OSBPL9: variants seen among roughly 807,000 people sequenced by gnomAD.
OSBPL9 encodes the protein oxysterol binding protein like 9, also known as oxysterol-binding protein-related protein 9.
In OSBPL9, 40 loss-of-function variants were observed where a neutral mutation model predicts 106.6. The observed-to-expected ratio is 0.38, with a 90% CI of 0.29 to 0.49. OSBPL9 has a LOEUF of 0.49. Ranked by LOEUF, OSBPL9 falls within the 20% of genes least tolerant of loss-of-function variation. The pLI, the probability that OSBPL9 is intolerant of heterozygous loss-of-function variation, is 0.97. For synonymous variants in OSBPL9, 269 were observed against 295.4 expected (o/e 0.91, Z 0.92); for missense variants, 609 against 887.2 (o/e 0.69, Z 3.98).
At chr1:51,553,248 T>A in the OSBPL9 span, among the ~76,000 whole-genome samples, 1 of 152,064 alleles carries the variant, frequency 6.6e-6, no homozygotes, top group African/African-American at 2.4e-5. Context: ...CTGAGCCTAT[T>A]TTCTGTAATC....
intron 3 of OSBPL9, among the ~76,000 whole-genome samples, chr1:51,673,337 G>A (rs1309185547): frequency 6.6e-6 from 1 of 152,244 alleles, no homozygotes; most frequent in Non-Finnish European, 1.5e-5. Flanking sequence ...AGTGGAGACA[G>A]TGCATTCAAG....
the OSBPL9 span, among the ~76,000 whole-genome samples, chr1:51,546,140 C>A: frequency 6.6e-6 from 1 of 151,994 alleles, no homozygotes; most frequent in African/African-American, 2.4e-5. Flanking sequence ...CCTCAGCCCC[C>A]AAGTAGCTGG....
At chr1:51,606,617 A>G (rs1426920594) in intron 2 of OSBPL9, among the ~76,000 whole-genome samples, 2 of 152,258 alleles carry the variant, frequency 1.3e-5, no homozygotes, top group Admixed American at 6.5e-5. Context: ...AGGCAGGCAC[A>G]TGATTATAAA....
chr1:51,746,547 G>C (rs1311238118), intron 5 of OSBPL9, among the ~76,000 whole-genome samples, 163 bp from the exon 6 acceptor site: 1 of 152,096 alleles, frequency 6.6e-6, no homozygotes, highest in Non-Finnish European at 1.5e-5. Context: ...ATTTGACTTT[G>C]ATTGAGTGCT....
the OSBPL9 span, chr1:51,519,318 G>A: frequency 4.6e-6 from 2 of 438,788 alleles, no homozygotes; most frequent in South Asian, 9.7e-5. Flanking sequence ...GGCCGCAGGC[G>A]AGGCCGGGGC....
rs900731689 is a variant in OSBPL9 at position 51,653,884 on chromosome 1, C to T, written c.162+1843C>T. Among the ~76,000 whole-genome samples, 15 of 152,214 alleles carry T rather than the reference C, an allele frequency of 9.9e-5. No individual in the cohort carries two copies. In the East Asian group the frequency reaches 1.2e-3, roughly 12 times the overall value. ...GGATGTGGTGACACATGCCTATAGT[C>T]CCAGCTACTTGAGAGACTGAGGCAG... On this transcript the variant is annotated intron_variant, in intron 2 of 23. Transcript: ENST00000428468.
At chr1:51,762,183 T>A (rs1671661918) in intron 11 of OSBPL9, among the ~76,000 whole-genome samples, 1 of 152,178 alleles carries the variant, frequency 6.6e-6, no homozygotes, top group Non-Finnish European at 1.5e-5. Flanking sequence ...ATTTTTAAGT[T>A]TTTAAAATTT....
intron 1 of OSBPL9, among the ~76,000 whole-genome samples, chr1:51,642,367 G>A (rs1205055763): frequency 2.6e-5 from 4 of 152,146 alleles, no homozygotes; most frequent in African/African-American, 9.7e-5. Context: ...GATTTATAAA[G>A]TACTTGGCAG....
At chr1:51,588,597 G>A (rs1645258659) in intron 1 of OSBPL9, among the ~76,000 whole-genome samples, 2 of 152,168 alleles carry the variant, frequency 1.3e-5, no homozygotes, top group Non-Finnish European at 2.9e-5. Context: ...GCTGCAGTGA[G>A]CCATGACAGC....
chr1:51,675,525 G>A (rs35905889), intron 3 of OSBPL9, among the ~76,000 whole-genome samples: 18,614 of 152,016 alleles, frequency 0.12, 1,251 homozygotes, highest in Middle Eastern at 0.22. Context: ...TAAAGCCATG[G>A]TAGTCTTGAG....
At chr1:51,526,777 G>A in the OSBPL9 span, among the ~76,000 whole-genome samples, 1 of 150,924 alleles carries the variant, frequency 6.6e-6, no homozygotes. Context: ...ATGGAGTCTC[G>A]CTCTGTCACC....
upstream of OSBPL9, among the ~76,000 whole-genome samples, chr1:51,612,358 TC>T (rs1482801672): frequency 6.6e-6 from 1 of 152,202 alleles, no homozygotes; most frequent in Non-Finnish European, 1.5e-5. Flanking sequence ...GATGAATCTG[TC>T]CCAGCTCCTG....
chr1:51,668,002 A>G (rs963624787), intron 2 of OSBPL9, among the ~76,000 whole-genome samples: 10 of 152,208 alleles, frequency 6.6e-5, no homozygotes, highest in Admixed American at 3.3e-4. Context: ...GCCTCTGGGG[A>G]AGAAATGAAT....
upstream of OSBPL9, among the ~76,000 whole-genome samples, chr1:51,573,166 T>C (rs1938172): frequency 0.16 from 23,694 of 149,784 alleles, 3,639 homozygotes; most frequent in African/African-American, 0.4. Flanking sequence ...GAGCCAAGAT[T>C]GTGCCACTAC....
At chr1:51,780,689 C>G (rs1676171886) in intron 15 of OSBPL9, among the ~76,000 whole-genome samples, 1 of 152,054 alleles carries the variant, frequency 6.6e-6, no homozygotes, top group Non-Finnish European at 1.5e-5. Context: ...TTGCTTGAAC[C>G]TGGGAGGTGA....
intron 1 of OSBPL9, among the ~76,000 whole-genome samples, chr1:51,592,991 T>G (rs1557578410): frequency 6.6e-6 from 1 of 152,156 alleles, no homozygotes; most frequent in Non-Finnish European, 1.5e-5. Context: ...AAAGGATGGC[T>G]GAAATCCATC....
intron 1 of OSBPL9, among the ~76,000 whole-genome samples, chr1:51,578,561 T>C (rs1417858710): frequency 2.6e-5 from 4 of 152,190 alleles, no homozygotes; most frequent in African/African-American, 7.2e-5. Flanking sequence ...GTAGGGAAAC[T>C]GAAACCCAGA....
intron 1 of OSBPL9, among the ~76,000 whole-genome samples, chr1:51,578,432 A>G (rs1454076450): frequency 6.6e-6 from 1 of 152,214 alleles, no homozygotes; most frequent in Non-Finnish European, 1.5e-5. Context: ...ATAATATCAT[A>G]TGATTAATGA....
intron 1 of OSBPL9, among the ~76,000 whole-genome samples, chr1:51,593,963 T>C (rs1164557584): frequency 6.6e-6 from 1 of 150,968 alleles, no homozygotes; most frequent in Non-Finnish European, 1.5e-5. Context: ...CATTTGTTAG[T>C]GGGCTGAAAC....
Sources: allele counts gnomAD v4.1 joint callset (sites outside exome capture counted in the v4.1 genomes callset), GRCh38; gene constraint gnomAD v4.1.1; transcripts MANE v1.5; gene names NCBI Gene and HGNC (gene_info 2026-07-23, HGNC 2026-07-21).